Variants in NFU1 observed in about 807,000 individuals in gnomAD.
NFU1 encodes the protein NFU1 iron-sulfur cluster scaffold homolog, mitochondrial.
In NFU1, 30 loss-of-function variants were observed where a neutral mutation model predicts 32.2. That is an observed-to-expected ratio of 0.93 (90% confidence interval 0.70 to 1.26). The LOEUF (loss-of-function observed/expected upper bound fraction) is 1.26, where lower values mean the gene tolerates loss of function less well. Among genes scored for constraint, NFU1 ranks in the 50% most tolerant of loss-of-function variants. The probability of loss-of-function intolerance (pLI) is 0.00; values close to 1 mark genes in which losing one functional copy is unlikely to be tolerated. For synonymous variants in NFU1, 112 were observed against 104.6 expected (o/e 1.07, Z -0.43); for missense variants, 306 against 306.6 (o/e 1.00, Z 0.02).
At chr2:69,428,798 G>C (rs1673546983) in intron 2 of NFU1, among the ~76,000 whole-genome samples, 1 of 152,198 alleles carries the variant, frequency 6.6e-6, no homozygotes, top group Non-Finnish European at 1.5e-5. Context: ...AAATTTGAAA[G>C]AGTTTAAATT....
intron 5 of NFU1, among the ~76,000 whole-genome samples, chr2:69,408,734 TTATATA>T (rs70954344): frequency 1.5e-3 from 198 of 136,430 alleles, no homozygotes; most frequent in East Asian, 4.5e-3. Flanking sequence ...ATATAAAATT[TTATATA>T]TATATATATA....
At chr2:69,408,054 G>T (rs1428992989) in intron 5 of NFU1, among the ~76,000 whole-genome samples, 1 of 151,164 alleles carries the variant, frequency 6.6e-6, no homozygotes, top group Admixed American at 6.6e-5. Flanking sequence ...AAATAAATTT[G>T]TTGGGGGAAA....
chr2:69,406,766 C>A (rs1574117500), intron 5 of NFU1, among the ~76,000 whole-genome samples: 1 of 152,004 alleles, frequency 6.6e-6, no homozygotes, highest in East Asian at 1.9e-4. Context: ...GAGATGGGGC[C>A]TCGCCATGTT....
intron 6 of NFU1, among the ~76,000 whole-genome samples, chr2:69,403,161 G>A (rs1303636346): frequency 6.6e-6 from 1 of 151,872 alleles, no homozygotes; most frequent in African/African-American, 2.4e-5. Context: ...AGGATTACAG[G>A]CATTAGCCGC....
chr2:69,402,015 TC>T (rs1672538136), intron 6 of NFU1, among the ~76,000 whole-genome samples: 1 of 151,998 alleles, frequency 6.6e-6, no homozygotes, highest in Non-Finnish European at 1.5e-5. Context: ...TGCCTCAGAC[TC>T]CCAGATAGCT....
chr2:69,409,090 C>T (rs1672798439), intron 5 of NFU1, among the ~76,000 whole-genome samples: 1 of 151,920 alleles, frequency 6.6e-6, no homozygotes, highest in Non-Finnish European at 1.5e-5. Context: ...GATCCACCTG[C>T]CTCGGCCTCC....
chr2:69,410,143 C>T (rs936286666), intron 5 of NFU1, among the ~76,000 whole-genome samples: 1 of 152,184 alleles, frequency 6.6e-6, no homozygotes, highest in Non-Finnish European at 1.5e-5. Flanking sequence ...AATCCCACCA[C>T]TTTGACAGGC....
intron 5 of NFU1, among the ~76,000 whole-genome samples, chr2:69,408,310 A>G (rs945076557): frequency 1.3e-5 from 2 of 152,198 alleles, no homozygotes; most frequent in African/African-American, 4.8e-5. Flanking sequence ...AATATTTAAA[A>G]CTGGTACACA....
chr2:69,412,109 G>A (rs1672901797), intron 5 of NFU1, among the ~76,000 whole-genome samples: 1 of 152,034 alleles, frequency 6.6e-6, no homozygotes, highest in African/African-American at 2.4e-5. Context: ...GGAGTGCAAT[G>A]GCATGATGTC....
chr2:69,423,823 G>A (rs1673349789), intron 2 of NFU1, 106 bp from the exon 3 acceptor site: 1 of 833,010 alleles, frequency 1.2e-6, no homozygotes, highest in African/African-American at 1.7e-5. Flanking sequence ...AGAAAAACTG[G>A]GGAAAAACCC....
In NFU1 at chr2:69,411,440, T is replaced by C. The variant is rs573776274; in HGVS notation, c.484+3745A>G. On this transcript the variant is annotated intron_variant, in intron 5 of 7. Coordinates refer to ENST00000410022, the MANE Select transcript of NFU1 (RefSeq NM_001002755.4). The stretch of plus-strand genomic sequence containing the variant: ...CACAAAGGAAAAAGATGAACTAATG[T>C]AACCACATTAAAATGAAAATTTTCT... Among the ~76,000 whole-genome samples the C allele has an allele frequency of 2.6e-5, 4 of 152,272 alleles. No individual in the cohort carries two copies. The East Asian group carries it at 5.8e-4, about 22-fold the overall frequency.
chr2:69,406,130 C>T (rs199947693), intron 5 of NFU1, 48 bp from the exon 6 acceptor site: 16 of 1,075,782 alleles, frequency 1.5e-5, no homozygotes, highest in Admixed American at 6.8e-5. Context: ...ATTTTATAGC[C>T]ATGCAAGTAC....
chr2:69,408,093 A>C (rs1459609810), intron 5 of NFU1, among the ~76,000 whole-genome samples: 1 of 152,064 alleles, frequency 6.6e-6, no homozygotes, highest in Non-Finnish European at 1.5e-5. Flanking sequence ...ACTGTCTTAG[A>C]TCAATAAACC....
intron 2 of NFU1, among the ~76,000 whole-genome samples, chr2:69,428,170 T>C (rs560426007): frequency 1.3e-4 from 20 of 151,108 alleles, no homozygotes; most frequent in Middle Eastern, 3.5e-3. Context: ...ATGCCTATAA[T>C]CCCCAGCACT....
At chr2:69,431,672 G>T (rs1673641673) in intron 2 of NFU1, among the ~76,000 whole-genome samples, 1 of 151,962 alleles carries the variant, frequency 6.6e-6, no homozygotes, top group Admixed American at 6.6e-5. Context: ...GTGTTGCAGG[G>T]GATATGTTAT....
upstream of NFU1, among the ~76,000 whole-genome samples, chr2:69,438,261 T>C (rs1417224513): frequency 6.7e-6 from 1 of 149,936 alleles, no homozygotes; most frequent in Non-Finnish European, 1.5e-5. Flanking sequence ...TTTTTTTTTT[T>C]CTTTTTCCAG....
chr2:69,419,021 A>G (rs1333633159), intron 4 of NFU1, among the ~76,000 whole-genome samples: 11 of 152,154 alleles, frequency 7.2e-5, no homozygotes, highest in Admixed American at 7.2e-4. Flanking sequence ...GTTGAAAAAC[A>G]TAGCATATTT....
intron 3 of NFU1, among the ~76,000 whole-genome samples, chr2:69,420,922 A>G (rs1245655172): frequency 6.6e-6 from 1 of 152,188 alleles, no homozygotes; most frequent in Non-Finnish European, 1.5e-5. Context: ...TGTGACTTAT[A>G]TCAAAAAAGT....
At chr2:69,403,718 T>C (rs1672598875) in intron 6 of NFU1, among the ~76,000 whole-genome samples, 1 of 151,988 alleles carries the variant, frequency 6.6e-6, no homozygotes, top group Non-Finnish European at 1.5e-5. Context: ...TATTCTCTTC[T>C]CTCCCTGTGC....
Sources: allele counts gnomAD v4.1 joint callset (sites outside exome capture counted in the v4.1 genomes callset), GRCh38; gene constraint gnomAD v4.1.1; transcripts MANE v1.5; gene names NCBI Gene and HGNC (gene_info 2026-07-23, HGNC 2026-07-21).